The following CSMD1 variants were observed in gnomAD, a reference collection of about 807,000 sequenced individuals.
CSMD1 encodes the protein CUB and sushi domain-containing protein 1.
CSMD1 carries 213 observed loss-of-function variants against 417.5 expected under a neutral mutation model. The observed-to-expected ratio is 0.51, with a 90% CI of 0.46 to 0.57. The LOEUF (loss-of-function observed/expected upper bound fraction) is 0.57, where lower values mean the gene tolerates loss of function less well. CSMD1 is among the 20% of genes least tolerant of loss of function. The pLI is 0.00. For synonymous variants in CSMD1, 2,862 were observed against 1,736.8 expected, an observed-to-expected ratio of 1.65 and a Z score of -16.11; for missense variants, 6,923 against 4,529.7, an observed-to-expected ratio of 1.53 and a Z score of -15.17.
chr8:4,882,613 T>C (rs1803485673), intron 1 of CSMD1, among the ~76,000 whole-genome samples: 1 of 151,926 alleles, frequency 6.6e-6, no homozygotes, highest in South Asian at 2.1e-4. Context: ...TGCAATGAGG[T>C]ATTCAACTAT....
At chr8:3,256,461 T>TAG (rs1800663935) in intron 26 of CSMD1, among the ~76,000 whole-genome samples, 1 of 152,214 alleles carries the variant, frequency 6.6e-6, no homozygotes, top group Admixed American at 6.5e-5. Flanking sequence ...TCCTAACTTT[T>TAG]TATTGATGCT....
At chr8:3,397,552 G>A (rs1317269154) in intron 16 of CSMD1, among the ~76,000 whole-genome samples, 1 of 152,176 alleles carries the variant, frequency 6.6e-6, no homozygotes. Context: ...AAGGCCACAG[G>A]CTGCCACATT....
intron 54 of CSMD1, among the ~76,000 whole-genome samples, chr8:2,983,782 G>C (rs1157630402): frequency 6.6e-6 from 1 of 152,126 alleles, no homozygotes; most frequent in East Asian, 1.9e-4. Flanking sequence ...AGCTCTGCCT[G>C]GGGCCAAATT....
chr8:4,197,784 T>C (rs1022098680), intron 3 of CSMD1, among the ~76,000 whole-genome samples: 1 of 152,038 alleles, frequency 6.6e-6, no homozygotes, highest in African/African-American at 2.4e-5. Context: ...GAGGCTGATA[T>C]GGGAGGATTG....
chr8:4,313,094 A>C (rs1420134396), intron 3 of CSMD1, among the ~76,000 whole-genome samples: 1 of 152,156 alleles, frequency 6.6e-6, no homozygotes, highest in Non-Finnish European at 1.5e-5. Context: ...CTAATATAGA[A>C]ACACAACATT....
intron 1 of CSMD1, among the ~76,000 whole-genome samples, chr8:4,982,215 T>A (rs1158766534): frequency 6.6e-6 from 1 of 152,186 alleles, no homozygotes. Context: ...TATCAGGTAA[T>A]GCATGTGTGC....
At chr8:3,296,343 C>G (rs1049574087) in intron 25 of CSMD1, among the ~76,000 whole-genome samples, 2 of 151,806 alleles carry the variant, frequency 1.3e-5, no homozygotes, top group Non-Finnish European at 2.9e-5. Flanking sequence ...GGAGCCAGTG[C>G]AGCAAGAACA....
intron 3 of CSMD1, among the ~76,000 whole-genome samples, chr8:4,288,516 T>C (rs989054015): frequency 6.6e-6 from 1 of 152,230 alleles, no homozygotes; most frequent in Admixed American, 6.5e-5. Context: ...GTTTACCCAG[T>C]AGTAGCAGAT....
intron 3 of CSMD1, among the ~76,000 whole-genome samples, chr8:4,402,117 C>T (rs531786200): frequency 6.6e-6 from 1 of 152,160 alleles, no homozygotes; most frequent in South Asian, 2.1e-4. Flanking sequence ...ACTTGTCTTC[C>T]ATTCTCTTTC....
chr8:4,380,521 C>G (rs184333023), intron 3 of CSMD1, among the ~76,000 whole-genome samples: 8 of 152,274 alleles, frequency 5.3e-5, no homozygotes, highest in African/African-American at 1.9e-4. Flanking sequence ...CCAAGGGGAG[C>G]CCAAGGAGAC....
intron 2 of CSMD1, among the ~76,000 whole-genome samples, chr8:4,604,689 C>T (rs996936223): frequency 3.3e-5 from 5 of 152,044 alleles, no homozygotes; most frequent in Non-Finnish European, 7.4e-5. Flanking sequence ...AACTATGTCT[C>T]CTACTTGGGA....
intron 3 of CSMD1, among the ~76,000 whole-genome samples, chr8:4,119,536 C>G (rs1392810465): frequency 1.3e-5 from 2 of 152,070 alleles, no homozygotes; most frequent in Admixed American, 6.6e-5. Context: ...GGGAAATAAC[C>G]AAGTTTAGAT....
intron 30 of CSMD1, among the ~76,000 whole-genome samples, chr8:3,209,089 C>G (rs1797458737): frequency 6.6e-6 from 1 of 152,082 alleles, no homozygotes; most frequent in Admixed American, 6.6e-5. Flanking sequence ...TAGTAGAGGA[C>G]ATTTTTGAAA....
At chr8:3,256,767 T>C (rs1363823032) in intron 26 of CSMD1, among the ~76,000 whole-genome samples, 1 of 152,200 alleles carries the variant, frequency 6.6e-6, no homozygotes, top group African/African-American at 2.4e-5. Context: ...AGGGACATCT[T>C]GTGTATGTTA....
intron 25 of CSMD1, among the ~76,000 whole-genome samples, chr8:3,298,131 C>T (rs1335091632): frequency 1.3e-5 from 2 of 152,040 alleles, no homozygotes; most frequent in African/African-American, 4.8e-5. Flanking sequence ...TCATATACAC[C>T]CTCTCAGGGA....
intron 3 of CSMD1, among the ~76,000 whole-genome samples, chr8:4,342,291 C>G (rs1377130647): frequency 6.6e-6 from 1 of 150,488 alleles, no homozygotes; most frequent in Non-Finnish European, 1.5e-5. Flanking sequence ...AAACCACAAG[C>G]CAAGATTCAA....
intron 4 of CSMD1, among the ~76,000 whole-genome samples, chr8:4,017,806 A>G (rs1265045196): frequency 6.6e-6 from 1 of 152,154 alleles, no homozygotes; most frequent in Non-Finnish European, 1.5e-5. Context: ...TTTGGAAAAG[A>G]TAACATTTCT....
chr8:3,718,051 A>C (rs543270093), intron 6 of CSMD1, among the ~76,000 whole-genome samples: 1 of 152,224 alleles, frequency 6.6e-6, no homozygotes, highest in Non-Finnish European at 1.5e-5. Context: ...TACATAAAAG[A>C]AAATGTTCAG....
chr8:3,740,797 G>A (rs546018423), intron 6 of CSMD1, among the ~76,000 whole-genome samples: 4 of 152,180 alleles, frequency 2.6e-5, no homozygotes, highest in Non-Finnish European at 2.9e-5. Flanking sequence ...TGTTTACCTT[G>A]AGCATCAGCT....
Sources: gnomAD v4.1 joint callset for allele counts (sites outside exome capture counted in the v4.1 genomes callset) on GRCh38, gnomAD v4.1.1 for gene constraint, MANE v1.5 for transcripts, NCBI Gene and HGNC (gene_info 2026-07-23, HGNC 2026-07-21) for gene names.